Variants in TMEM132C observed in about 807,000 individuals in gnomAD.
The protein encoded by TMEM132C is protein phosphatase 1, regulatory subunit 152.
A neutral mutation model predicts 61.4 loss-of-function variants in TMEM132C; 29 were observed. The ratio of observed to expected loss-of-function variants is 0.47; its 90% CI spans 0.35 to 0.64. The LOEUF (loss-of-function observed/expected upper bound fraction) is 0.64. Ranked by LOEUF, TMEM132C falls within the 30% of genes least tolerant of loss-of-function variation. TMEM132C has a pLI of 0.00. For synonymous variants in TMEM132C, 656 were observed against 633.1 expected, an observed-to-expected ratio of 1.04 and a Z score of -0.54; for missense variants, 1,408 against 1,476.9, an observed-to-expected ratio of 0.95 and a Z score of 0.76.
At chr12:128,449,925 G>C (rs373928973) in intron 2 of TMEM132C, among the ~76,000 whole-genome samples, 2 of 152,228 alleles carry the variant, frequency 1.3e-5, no homozygotes, top group East Asian at 1.9e-4. Flanking sequence ...TGCAATAGAT[G>C]CTAGAATTTT....
At chr12:128,310,051 T>G (rs1871917981) in intron 1 of TMEM132C, among the ~76,000 whole-genome samples, 1 of 152,210 alleles carries the variant, frequency 6.6e-6, no homozygotes, top group African/African-American at 2.4e-5. Flanking sequence ...TCATTCCTTT[T>G]CAGGGCTGGA....
chr12:128,695,795 C>T (rs1324063408), intron 6 of TMEM132C, 35 bp from the exon 7 acceptor site: 3 of 1,508,870 alleles, frequency 2.0e-6, no homozygotes, highest in Non-Finnish European at 2.7e-6. Flanking sequence ...GACTCCTCTC[C>T]CTGGATCTGA....
At chr12:128,504,328 A>T (rs1872280930) in intron 2 of TMEM132C, among the ~76,000 whole-genome samples, 1 of 152,210 alleles carries the variant, frequency 6.6e-6, no homozygotes, top group Non-Finnish European at 1.5e-5. Context: ...TTTCAAAGGG[A>T]TGGAACACAC....
intron 4 of TMEM132C, among the ~76,000 whole-genome samples, chr12:128,625,371 T>G (rs12310681): frequency 0.01 from 1,599 of 152,304 alleles, 29 homozygotes; most frequent in African/African-American, 0.036. Flanking sequence ...CGTGGTGGAA[T>G]GGGCAAATGA....
chr12:128,493,442 G>A (rs1871822656), intron 2 of TMEM132C, among the ~76,000 whole-genome samples: 1 of 152,170 alleles, frequency 6.6e-6, no homozygotes, highest in Non-Finnish European at 1.5e-5. Flanking sequence ...ACCTTGGGCA[G>A]TATGGCCATT....
intron 2 of TMEM132C, among the ~76,000 whole-genome samples, chr12:128,426,353 T>C (rs530160167): frequency 1.3e-5 from 2 of 152,328 alleles, no homozygotes; most frequent in East Asian, 3.9e-4. Flanking sequence ...TGCATGATCG[T>C]TGGCTCTTTC....
chr12:128,273,574 A>G (rs895798701), intron 1 of TMEM132C, among the ~76,000 whole-genome samples: 6 of 151,688 alleles, frequency 4.0e-5, no homozygotes, highest in Middle Eastern at 3.2e-3. Context: ...AAGATCTACT[A>G]TTTTGCTCAT....
At chr12:128,594,780 G>T (rs148587437) in intron 3 of TMEM132C, among the ~76,000 whole-genome samples, 1 of 152,190 alleles carries the variant, frequency 6.6e-6, no homozygotes, top group Non-Finnish European at 1.5e-5. Context: ...AGACGAAATT[G>T]CAGCCTTTAA....
chr12:128,354,614 C>T (rs1873442686), intron 1 of TMEM132C, among the ~76,000 whole-genome samples: 1 of 152,014 alleles, frequency 6.6e-6, no homozygotes, highest in Non-Finnish European at 1.5e-5. Flanking sequence ...TGGGATTCCA[C>T]CAAGAATAGA....
At chr12:128,608,688 T>C (rs753133529) in intron 3 of TMEM132C, among the ~76,000 whole-genome samples, 1 of 152,236 alleles carries the variant, frequency 6.6e-6, no homozygotes, top group African/African-American at 2.4e-5. Context: ...ATCACTTAAG[T>C]TTAAAAATTA....
intron 2 of TMEM132C, among the ~76,000 whole-genome samples, chr12:128,530,727 G>A (rs1325468134): frequency 6.6e-6 from 1 of 152,196 alleles, no homozygotes; most frequent in Non-Finnish European, 1.5e-5. Flanking sequence ...ATAGGCATGA[G>A]CCACCATGCC....
At chr12:128,396,060 A>G (rs963373274) in intron 1 of TMEM132C, among the ~76,000 whole-genome samples, 1 of 152,198 alleles carries the variant, frequency 6.6e-6, no homozygotes, top group South Asian at 2.1e-4. Flanking sequence ...AGATACATGG[A>G]TGCGGGGTCC....
intron 1 of TMEM132C, among the ~76,000 whole-genome samples, chr12:128,340,571 C>T (rs1872924205): frequency 1.3e-5 from 2 of 152,242 alleles, no homozygotes; most frequent in African/African-American, 4.8e-5. Flanking sequence ...ATTTGGTCAT[C>T]AGCAGTCTTC....
At chr12:128,696,987 T>C (rs1037133848) in intron 7 of TMEM132C, among the ~76,000 whole-genome samples, 4 of 152,232 alleles carry the variant, frequency 2.6e-5, no homozygotes, top group African/African-American at 9.6e-5. Context: ...CAGAATGGAT[T>C]TTAATATCTA....
chr12:128,548,243 G>A (rs1039989950), intron 3 of TMEM132C, among the ~76,000 whole-genome samples: 2 of 152,172 alleles, frequency 1.3e-5, no homozygotes, highest in Non-Finnish European at 2.9e-5. Flanking sequence ...CTGCCTCCAC[G>A]TGCCATTCTC....
At chr12:128,663,959 T>TCCAC (rs1555241292) in intron 4 of TMEM132C, among the ~76,000 whole-genome samples, 1 of 128,974 alleles carries the variant, frequency 7.8e-6, no homozygotes, top group Non-Finnish European at 1.6e-5. Flanking sequence ...CACACACACA[T>TCCAC]ACAGGCACAT....
At chr12:128,495,255 AC>A (rs1212074558) in intron 2 of TMEM132C, among the ~76,000 whole-genome samples, 1 of 152,022 alleles carries the variant, frequency 6.6e-6, no homozygotes, top group Non-Finnish European at 1.5e-5. Context: ...TTTACTTCCA[AC>A]TATGTGGTCA....
At chr12:128,494,715 G>A (rs575242183) in intron 2 of TMEM132C, among the ~76,000 whole-genome samples, 16 of 151,900 alleles carry the variant, frequency 1.1e-4, no homozygotes, top group African/African-American at 3.4e-4. Flanking sequence ...ATTTTTTATT[G>A]CATCTATTTG....
Position 128,705,221 on chromosome 12 carries a change from C to T in TMEM132C, c.2253C>T (p.Arg751=). 3 of 1,551,694 alleles carry T rather than the reference C, an allele frequency of 1.9e-6. No homozygotes were observed. The highest frequency in any genetic ancestry group is 1.4e-5 in the African/African-American group (1 of 73,172). The change falls in exon 9 of 9, where the codon CGC becomes CGT. Residue 751 remains arginine, a synonymous_variant. Transcript: ENST00000435159. The part of the protein sequence containing the change: ...DEAVVSVPQP[R]SPRWPVVVAE... ...CTGTCGTGTCAGTCCCCCAGCCCCG[C>T]TCTCCCAGGTGGCCCGTTGTGGTGG... is the stretch of plus-strand genomic sequence containing the variant.
Sources: allele counts gnomAD v4.1 joint callset (sites outside exome capture counted in the v4.1 genomes callset), GRCh38; gene constraint gnomAD v4.1.1; transcripts MANE v1.5; gene names NCBI Gene and HGNC (gene_info 2026-07-23, HGNC 2026-07-21).